PLA2G4D: variants seen among roughly 807,000 people sequenced by gnomAD.
The protein encoded by PLA2G4D is phospholipase A2 group IVD.
A neutral mutation model predicts 94.4 loss-of-function variants in PLA2G4D; 80 were observed. That is an observed-to-expected ratio of 0.85 (90% confidence interval 0.71 to 1.02). The LOEUF (loss-of-function observed/expected upper bound fraction) is 1.02, where lower values mean the gene tolerates loss of function less well. Ranked by LOEUF, PLA2G4D falls within the 50% of genes least tolerant of loss-of-function variation. PLA2G4D has a pLI of 0.00. For synonymous variants in PLA2G4D, 438 were observed against 440.9 expected (o/e 0.99, Z 0.08); for missense variants, 1,050 against 1,034.7 (o/e 1.01, Z -0.20).
intron 5 of PLA2G4D, 120 bp from the exon 6 acceptor site, chr15:42,085,258 C>A: frequency 8.2e-7 from 1 of 1,221,174 alleles, no homozygotes; most frequent in Non-Finnish European, 1.2e-6. Flanking sequence ...GGTTCAGGGA[C>A]AAGGGGAGAT....
At chr15:42,072,235 G>T (rs533139279) in intron 14 of PLA2G4D, 40 bp downstream of exon 14, 4 of 1,530,696 alleles carry the variant, frequency 2.6e-6, no homozygotes, top group East Asian at 2.2e-5. Context: ...AGAGGGTTTG[G>T]GGGGTGGAGT....
chr15:42,072,477 G>T (rs1298944832), intron 13 of PLA2G4D, 85 bp from the exon 14 acceptor site: 6 of 1,104,940 alleles, frequency 5.4e-6, no homozygotes, highest in South Asian at 1.3e-5. Flanking sequence ...CAGGATGGGG[G>T]ACCTGGCTGG....
intron 3 of PLA2G4D, among the ~76,000 whole-genome samples, 166 bp from the exon 4 acceptor site, chr15:42,086,510 T>C (rs541572547): frequency 7.9e-5 from 12 of 152,090 alleles, no homozygotes; most frequent in East Asian, 7.7e-4. Flanking sequence ...TATAAGGAAA[T>C]CTTATTAAAT....
intron 5 of PLA2G4D, 82 bp from the exon 6 acceptor site, chr15:42,085,220 T>C: frequency 6.6e-7 from 1 of 1,507,286 alleles, no homozygotes; most frequent in African/African-American, 1.4e-5. Flanking sequence ...CCCTGGGTGA[T>C]GCTGAGGGCT....
At chr15:42,080,246 C>T (rs963932184) in intron 12 of PLA2G4D, among the ~76,000 whole-genome samples, 3 of 152,152 alleles carry the variant, frequency 2.0e-5, no homozygotes, top group African/African-American at 7.2e-5. Context: ...ACCCCACTCC[C>T]ATCTTCACGG....
At chr15:42,081,859 C>G (rs1224519146) in intron 9 of PLA2G4D, 25 bp from the exon 10 acceptor site, 4 of 1,614,054 alleles carry the variant, frequency 2.5e-6, no homozygotes, top group Middle Eastern at 3.3e-4. Context: ...AGAGACTCTG[C>G]TCAGACCCTC....
intron 7 of PLA2G4D, 136 bp downstream of exon 7, chr15:42,083,580 C>T (rs888738665): frequency 4.0e-5 from 47 of 1,183,638 alleles, no homozygotes; most frequent in Non-Finnish European, 5.5e-5. Flanking sequence ...ATGCGTGGCC[C>T]TCTGTGCCAT....
chr15:42,071,812 A>G lies in PLA2G4D; in HGVS notation c.1535T>C (p.Met512Thr). Residue 512 changes from methionine to threonine, a missense_variant, in exon 15 of 20, where the codon ATG becomes ACG. Transcript: ENST00000290472. Reference protein sequence around the residue: ...FGSEFFMGRLMRRIPEPRICF... With the variant: ...FGSEFFMGRLTRRIPEPRICF... The stretch of plus-strand genomic sequence containing the variant: ...GATCCGGGGCTCCGGGATCCTCCTC[A>G]TCAGCCGTCCCATGAAGAACTCGGA... The G allele has an allele frequency of 6.2e-7, 1 of 1,614,112 alleles. No individual in the cohort carries two copies. Among genetic ancestry groups the G allele is most frequent in the Non-Finnish European group, 8.5e-7 (1 of 1,179,994 alleles).
rs1163001045 is a variant in PLA2G4D, at chr15:42,071,806, C to T, written c.1541G>A (p.Arg514Lys). ...AAAGCAGATCCGGGGCTCCGGGATC[C>T]TCCTCATCAGCCGTCCCATGAAGAA... ...SEFFMGRLMR[R>K]IPEPRICFLE... The change falls in exon 15 of 20, where the codon AGG (arginine) becomes AAG (lysine). Residue 514 changes from arginine (R) to lysine (K), a missense_variant. Transcript: ENST00000290472. The T allele has an allele frequency of 6.2e-7, 1 of 1,614,192 alleles. No homozygotes were observed. The highest frequency in any genetic ancestry group is 1.3e-5 in the African/African-American group (1 of 75,046).
chr15:42,084,302 T>C lies in PLA2G4D; in HGVS notation c.472-523A>G, dbSNP rs1446369116. ...GCTGTCTGTGAAGCATACCAGCAGA[T>C]GCCCGCCACCCACGCTCCACACAAT... On this transcript the variant is annotated intron_variant, in intron 6 of 19. Transcript: ENST00000290472. This position sits in a 1 kb window ranked among gnomAD's most constrained non-coding sequence, Gnocchi z 4.8. Among the ~76,000 whole-genome samples, 1 of 151,654 alleles carries C rather than the reference T, an allele frequency of 6.6e-6. No homozygotes were observed. Among genetic ancestry groups the C allele is most frequent in the African/African-American group, 2.4e-5 (1 of 41,264 alleles).
intron 13 of PLA2G4D, among the ~76,000 whole-genome samples, chr15:42,073,002 C>G (rs1413000716): frequency 6.6e-6 from 1 of 152,172 alleles, no homozygotes; most frequent in East Asian, 1.9e-4. Flanking sequence ...CAAGCTCTGC[C>G]TTTGTTTTAT....
rs781439174 is a variant in PLA2G4D at position 42,083,206 on chromosome 15, G to A, written c.664C>T (p.Arg222Cys). The A allele has an allele frequency of 1.3e-5, 21 of 1,613,314 alleles. No individual in the cohort carries two copies. The highest frequency in any genetic ancestry group is 2.7e-5 in the African/African-American group (2 of 74,888). ...MAALETELSG[R>C]LRSSRSNGWN... ...CTAGAGCCAAGACCCACCCTCAGGC[G>A]CCCGCTCAGCTCTGTCTCTAGGGCT... Residue 222 changes from arginine to cysteine, a missense_variant, in exon 8 of 20, where the codon CGC becomes TGC. Physicochemically the swap from Arg to Cys is radical, Grantham distance 180. Coordinates refer to ENST00000290472, the MANE Select transcript of PLA2G4D (RefSeq NM_178034.4).
intron 3 of PLA2G4D, 92 bp downstream of exon 3, chr15:42,087,208 C>A: frequency 1.3e-6 from 2 of 1,532,626 alleles, no homozygotes; most frequent in Non-Finnish European, 1.8e-6. Context: ...GTTTCTCTGA[C>A]AGCCCCAGAG....
intron 19 of PLA2G4D, among the ~76,000 whole-genome samples, chr15:42,069,401 G>A (rs755599): frequency 0.08 from 12,144 of 152,268 alleles, 613 homozygotes; most frequent in Middle Eastern, 0.13. Context: ...GAACTGGAAA[G>A]CTGGGAATAT....
rs1371091140 is a variant in PLA2G4D at position 42,069,861 on chromosome 15, G to A, written c.2230+48C>T. 3.7e-6 allele frequency: 5 copies of A among 1,343,114 alleles called. No individual in the cohort carries two copies. In the Admixed American group the frequency reaches 2.0e-4, roughly 53 times the overall value. The allele number at this position is 1,343,114 out of a possible 1,614,324, so 83.2% of individuals were successfully genotyped here. On this transcript the variant is annotated intron_variant, in intron 19 of 19. Transcript: ENST00000290472. ...TGGGCAGCCGGGGGGCCCAGGGCAGGCCTCTGAGGGGCCAGGCAGCCTGGG... is the reference window on the plus strand; with the variant it reads ...TGGGCAGCCGGGGGGCCCAGGGCAGACCTCTGAGGGGCCAGGCAGCCTGGG...
Position 42,081,125 on chromosome 15 carries a change from A to C in PLA2G4D, c.966T>G (p.Val322=), listed in dbSNP as rs1890027876. Residue 322 remains valine, a synonymous_variant, in exon 12 of 20, where the codon GTT becomes GTG. Transcript: ENST00000290472. ...CTCCTCCTGTGGCCATGATGCCCAC[A>C]ACGGGTACCTGGACCACACACAGAC... is the stretch of plus-strand genomic sequence containing the variant. ...DRDLQEDEVP[V]VGIMATGGGA... The C allele has an allele frequency of 2.5e-6, 4 of 1,613,938 alleles. No homozygotes were observed. The highest frequency in any genetic ancestry group is 3.4e-6 in the Non-Finnish European group (4 of 1,179,896).
intron 19 of PLA2G4D, among the ~76,000 whole-genome samples, chr15:42,069,520 CCCCTGAGGAGAGGCCCAGCT>C (rs1242962719): frequency 6.6e-6 from 1 of 152,046 alleles, no homozygotes; most frequent in African/African-American, 2.4e-5. Flanking sequence ...ATTTCGGGAG[CCCCTGAGGAGAGGCCCAGCT>C]CCCTGAGAAG....
At chr15:42,074,884 A>G (rs190819407) in intron 13 of PLA2G4D, among the ~76,000 whole-genome samples, 1 of 152,356 alleles carries the variant, frequency 6.6e-6, no homozygotes. Flanking sequence ...AAAAAATAAT[A>G]AATTAAAAAC....
chr15:42,073,828 T>C (rs548743160), intron 13 of PLA2G4D, among the ~76,000 whole-genome samples: 1 of 152,290 alleles, frequency 6.6e-6, no homozygotes, highest in South Asian at 2.1e-4. Context: ...CCCACATCCA[T>C]GGCGAAACTC....
Sources: gnomAD v4.1 joint callset for allele counts (sites outside exome capture counted in the v4.1 genomes callset) on GRCh38, gnomAD v4.1.1 for gene constraint, Gnocchi (gnomAD v3.1) non-coding constraint, MANE v1.5 for transcripts, NCBI Gene and HGNC (gene_info 2026-07-23, HGNC 2026-07-21) for gene names.